CSMD2: variants seen among roughly 807,000 people sequenced by gnomAD.
The protein encoded by CSMD2 is CUB and sushi domain-containing protein 2.
A neutral mutation model predicts 398.5 loss-of-function variants in CSMD2; 130 were observed. The observed-to-expected ratio is 0.33, with a 90% CI of 0.28 to 0.38. The LOEUF (loss-of-function observed/expected upper bound fraction) is 0.38, where lower values mean the gene tolerates loss of function less well. Among genes scored for constraint, CSMD2 ranks in the 10% least tolerant of loss-of-function variants. The pLI, the probability that CSMD2 is intolerant of heterozygous loss-of-function variation, is 1.00. For missense variants in CSMD2, 3,829 were observed against 4,764.9 expected, an observed-to-expected ratio of 0.80 and a Z score of 5.78; for synonymous variants, 1,828 against 1,908.5, an observed-to-expected ratio of 0.96 and a Z score of 1.10.
intron 19 of CSMD2, among the ~76,000 whole-genome samples, chr1:33,722,728 C>CT (rs74259845): frequency 3.7e-4 from 53 of 144,252 alleles, no homozygotes; most frequent in Admixed American, 4.8e-4. Flanking sequence ...TTTTATGGAA[C>CT]TTTTTTTTTT....
intron 5 of CSMD2, among the ~76,000 whole-genome samples, chr1:33,871,951 C>T (rs541742402): frequency 3.2e-4 from 49 of 152,266 alleles, no homozygotes; most frequent in Admixed American, 2.3e-3. Flanking sequence ...TGTGATAACC[C>T]ATTAATCCAT....
At chr1:33,743,218 C>A (rs542770541) in intron 14 of CSMD2, 62 bp downstream of exon 14, 11 of 1,428,118 alleles carry the variant, frequency 7.7e-6, no homozygotes, top group Non-Finnish European at 1.1e-5. Context: ...GGAGCACCTT[C>A]GATCATCCTC....
intron 3 of CSMD2, among the ~76,000 whole-genome samples, chr1:33,995,515 G>A (rs563567374): frequency 1.3e-5 from 2 of 152,288 alleles, no homozygotes; most frequent in South Asian, 2.1e-4. Flanking sequence ...TCCTGCTTCT[G>A]GGATATGGTC....
chr1:33,617,402 C>T, intron 38 of CSMD2, 97 bp downstream of exon 38: 2 of 897,390 alleles, frequency 2.2e-6, no homozygotes, highest in East Asian at 4.9e-5. Context: ...GGGGGCTGCT[C>T]CCTGTTCTTT....
At chr1:33,572,410 C>CT (rs1659677802) in intron 50 of CSMD2, 96 bp downstream of exon 50, 13 of 1,132,208 alleles carry the variant, frequency 1.1e-5, no homozygotes, top group Non-Finnish European at 1.5e-5. Flanking sequence ...TTTTTTTCCC[C>CT]CTCATTACTT....
chr1:34,032,014 T>C (rs1650507484), intron 3 of CSMD2, among the ~76,000 whole-genome samples: 2 of 152,010 alleles, frequency 1.3e-5, no homozygotes, highest in Non-Finnish European at 2.9e-5. Flanking sequence ...ATAATAATAA[T>C]AGTGTATAAT....
At chr1:33,679,771 C>G (rs563784462) in intron 25 of CSMD2, among the ~76,000 whole-genome samples, 2 of 152,162 alleles carry the variant, frequency 1.3e-5, no homozygotes, top group East Asian at 3.9e-4. Context: ...TCAATTTCTC[C>G]TCATATTTCT....
intron 6 of CSMD2, among the ~76,000 whole-genome samples, chr1:33,831,343 T>G (rs10914797): frequency 0.61 from 92,720 of 151,958 alleles, 28,615 homozygotes; most frequent in African/African-American, 0.71. Context: ...CAGAAGAAAT[T>G]GGGGGCCAAT....
chr1:33,749,221 C>T (rs1472011355), intron 13 of CSMD2, among the ~76,000 whole-genome samples: 7 of 150,408 alleles, frequency 4.7e-5, no homozygotes, highest in Non-Finnish European at 7.4e-5. Context: ...GCCTCAGCAT[C>T]CCGAGTAGCT....
At chr1:33,848,801 G>A (rs773114401) in intron 5 of CSMD2, among the ~76,000 whole-genome samples, 8 of 127,356 alleles carry the variant, frequency 6.3e-5, no homozygotes, top group African/African-American at 1.2e-4. Context: ...AGCCACAAAC[G>A]TATTGTGGGT....
At chr1:34,002,857 G>A (rs1646943043) in intron 3 of CSMD2, among the ~76,000 whole-genome samples, 1 of 152,132 alleles carries the variant, frequency 6.6e-6, no homozygotes, top group Non-Finnish European at 1.5e-5. Flanking sequence ...AAAATTTAAA[G>A]TGGTTTGCAA....
intron 32 of CSMD2, among the ~76,000 whole-genome samples, chr1:33,628,922 G>A (rs1331592851): frequency 6.6e-6 from 1 of 152,106 alleles, no homozygotes; most frequent in African/African-American, 2.4e-5. Flanking sequence ...TTGGAATAGA[G>A]TGGAATAATT....
chr1:33,863,899 C>T (rs920948354), intron 5 of CSMD2: 9 of 321,268 alleles, frequency 2.8e-5, no homozygotes, highest in Admixed American at 4.7e-5. Flanking sequence ...AATGAACCAT[C>T]ATCTTTCATG....
intron 10 of CSMD2, among the ~76,000 whole-genome samples, chr1:33,808,567 T>G (rs1656493648): frequency 1.3e-5 from 2 of 151,984 alleles, no homozygotes; most frequent in Admixed American, 1.3e-4. Flanking sequence ...AATAAATAAC[T>G]GTAAAAATCT....
At position 34,152,102 on chromosome 1, in the gene CSMD2, C is replaced by T. The variant is rs771129; in HGVS notation, c.187+12809G>A. 5.5e-3 allele frequency among the ~76,000 whole-genome samples: 842 copies of T among 152,294 alleles called. 4 individuals are homozygous for T. The highest frequency in any genetic ancestry group is 0.037 in the East Asian group (189 of 5,166). On this transcript the variant is annotated intron_variant, in intron 1 of 70. Coordinates refer to ENST00000373381, the MANE Select transcript of CSMD2 (RefSeq NM_001281956.2). ...CTGGCCTCAAGCAATCCTCCCACCT[C>T]GGCCTTCCAAACTGCTGGGATGAGA... is the stretch of plus-strand genomic sequence containing the variant.
At chr1:33,857,024 G>A (rs1304653402) in intron 5 of CSMD2, among the ~76,000 whole-genome samples, 1 of 152,018 alleles carries the variant, frequency 6.6e-6, no homozygotes, top group Non-Finnish European at 1.5e-5. Context: ...AATATTTACT[G>A]AGTAGAAACT....
Position 33,743,416 on chromosome 1 carries a change from G to C in CSMD2, c.2037C>G (p.Thr679=). The change falls in exon 14 of 71, where the codon ACC becomes ACG. Residue 679 remains threonine (T), a synonymous_variant. Coordinates refer to ENST00000373381, the MANE Select transcript of CSMD2 (RefSeq NM_001281956.2). ...AGGTGCCCAGGACGGGCGCCTCGGC[G>C]GTGGCCCCATCCTTGATGACCAGGA... The part of the protein sequence containing the change: ...FDFLVIKDGA[T]AEAPVLGTFS... 1 of 1,614,190 alleles carries C rather than the reference G, an allele frequency of 6.2e-7. No individual in the cohort carries two copies. Among genetic ancestry groups the C allele is most frequent in the Non-Finnish European group, 8.5e-7 (1 of 1,180,038 alleles).
At chr1:34,051,097 C>T (rs1653119608) in intron 2 of CSMD2, among the ~76,000 whole-genome samples, 1 of 152,222 alleles carries the variant, frequency 6.6e-6, no homozygotes, top group East Asian at 1.9e-4. Context: ...GGGACTGCTA[C>T]TACACAATGG....
chr1:33,685,884 G>C (rs552210367), intron 25 of CSMD2, among the ~76,000 whole-genome samples: 57 of 152,320 alleles, frequency 3.7e-4, no homozygotes, highest in African/African-American at 1.2e-3. Context: ...TCTGGACTTT[G>C]TGTTTCCGAC....
Sources: allele counts gnomAD v4.1 joint callset (sites outside exome capture counted in the v4.1 genomes callset), GRCh38; gene constraint gnomAD v4.1.1; transcripts MANE v1.5; gene names NCBI Gene and HGNC (gene_info 2026-07-23, HGNC 2026-07-21).